Variants in DOCK2 observed in about 807,000 individuals in gnomAD.
The protein encoded by DOCK2 is dedicator of cytokinesis 2.
In DOCK2, 87 loss-of-function variants were observed where a neutral mutation model predicts 248.9. That is an observed-to-expected ratio of 0.35 (90% CI 0.29 to 0.42). The LOEUF is 0.42. DOCK2 is among the 10% of genes least tolerant of loss of function. DOCK2 has a pLI of 1.00. For synonymous variants in DOCK2, 805 were observed against 821.6 expected (o/e 0.98, Z 0.35); for missense variants, 1,747 against 2,300.2 (o/e 0.76, Z 4.92).
In DOCK2 at chr5:170,048,981, G is replaced by A. The variant is rs373319712; in HGVS notation, c.4072-1275G>A. Among the ~76,000 whole-genome samples the A allele has an allele frequency of 2.2e-4, 33 of 152,270 alleles. No homozygotes were observed. The East Asian group carries it at 5.8e-3, about 27-fold the overall frequency. On this transcript the variant is annotated intron_variant, in intron 40 of 51. Coordinates refer to ENST00000520908, the MANE Select transcript of DOCK2 (RefSeq NM_004946.3). Reference sequence around the variant, plus strand: ...AACAATCAATGTGGAAGTGAGAGTGGGCCTGCAGGAGTGATTGCCATGAGC... The same window carrying A: ...AACAATCAATGTGGAAGTGAGAGTGAGCCTGCAGGAGTGATTGCCATGAGC...
intron 26 of DOCK2, among the ~76,000 whole-genome samples, chr5:169,810,779 G>T (rs907690828): frequency 6.6e-6 from 1 of 152,098 alleles, no homozygotes; most frequent in Non-Finnish European, 1.5e-5. Flanking sequence ...ATCTTGGTTT[G>T]ATCTGGGCCT....
chr5:170,033,321 T>C (rs1460885304), intron 34 of DOCK2, among the ~76,000 whole-genome samples: 1 of 152,212 alleles, frequency 6.6e-6, no homozygotes, highest in Non-Finnish European at 1.5e-5. Context: ...AGATGTTACA[T>C]TTTTATTTTT....
intron 27 of DOCK2, among the ~76,000 whole-genome samples, chr5:169,907,834 G>C (rs879502360): frequency 9.9e-5 from 15 of 152,190 alleles, no homozygotes; most frequent in East Asian, 1.9e-4. Context: ...CTGGGAGGGG[G>C]TGCTACTGGC....
intron 27 of DOCK2, among the ~76,000 whole-genome samples, chr5:169,853,685 A>G (rs1403044028): frequency 1.3e-5 from 2 of 152,108 alleles, no homozygotes; most frequent in African/African-American, 4.8e-5. Context: ...AGAGCTCAGA[A>G]CATGTTCTAA....
At chr5:169,950,379 A>C (rs1239576899) in intron 27 of DOCK2, among the ~76,000 whole-genome samples, 2 of 152,220 alleles carry the variant, frequency 1.3e-5, no homozygotes, top group Non-Finnish European at 2.9e-5. Context: ...AGCACTCAAA[A>C]AACAGTAGTA....
At chr5:170,003,560 T>A (rs1442699499) in intron 30 of DOCK2, among the ~76,000 whole-genome samples, 1 of 152,188 alleles carries the variant, frequency 6.6e-6, no homozygotes, top group Non-Finnish European at 1.5e-5. Context: ...TGAACCCAGC[T>A]TGGATGTAAG....
chr5:169,887,717 AATT>A (rs1773051409), intron 27 of DOCK2, among the ~76,000 whole-genome samples: 1 of 152,220 alleles, frequency 6.6e-6, no homozygotes, highest in African/African-American at 2.4e-5. Flanking sequence ...GCTCTTGTCT[AATT>A]ATCTTCTTGA....
intron 25 of DOCK2, among the ~76,000 whole-genome samples, chr5:169,784,037 C>T (rs987232972): frequency 9.2e-5 from 14 of 152,140 alleles, no homozygotes; most frequent in African/African-American, 3.4e-4. Flanking sequence ...CAGTGTCTTG[C>T]CCACTGGCTT....
At chr5:170,028,728 C>T (rs1324206487) in intron 34 of DOCK2, among the ~76,000 whole-genome samples, 1 of 147,150 alleles carries the variant, frequency 6.8e-6, no homozygotes, top group Non-Finnish European at 1.5e-5. Context: ...ACCCCTTAGC[C>T]ACTGCTCTGC....
At chr5:169,988,163 T>C (rs1778117440) in intron 29 of DOCK2, among the ~76,000 whole-genome samples, 1 of 152,190 alleles carries the variant, frequency 6.6e-6, no homozygotes, top group Non-Finnish European at 1.5e-5. Flanking sequence ...TGCAGGCACA[T>C]AGCTTAGTTC....
At chr5:170,034,157 C>T (rs574724116) in intron 34 of DOCK2, among the ~76,000 whole-genome samples, 19 of 152,236 alleles carry the variant, frequency 1.2e-4, no homozygotes, top group South Asian at 8.3e-4. Flanking sequence ...TAAAAGTGAC[C>T]ATCTCCCCCA....
At position 170,076,327 on chromosome 5, in the gene DOCK2, T is replaced by TG. The variant is rs1757838413; in HGVS notation, c.4866+244dup. On this transcript the variant is annotated intron_variant, in intron 47 of 51. Coordinates refer to ENST00000520908, the MANE Select transcript of DOCK2 (RefSeq NM_004946.3). ...TGCAGATACCAACTACTCAAGGGAC[T>TG]GTGTAATAATAATGAAAGCTACACT... 2.6e-5 allele frequency among the ~76,000 whole-genome samples: 4 copies of TG among 152,302 alleles called. No homozygotes were observed. The South Asian group carries it at 8.3e-4, about 32-fold the overall frequency.
rs746938795 is a variant in DOCK2, at chr5:169,702,441, T to C, written c.1383+14T>C. The C allele has an allele frequency of 1.2e-6, 2 of 1,613,280 alleles. No homozygotes were observed. The highest frequency in any genetic ancestry group is 2.7e-5 in the African/African-American group (2 of 74,908). ...AAAACGCTGCCTGTAAGGGACTCAC[T>C]GCTGCTCTGGGTGACAGGGTCCGCC... On this transcript the variant is annotated intron_variant, in intron 14 of 51. Transcript: ENST00000520908.
chr5:169,686,538 AG>A (rs926858902), intron 8 of DOCK2, among the ~76,000 whole-genome samples: 6 of 152,214 alleles, frequency 3.9e-5, no homozygotes, highest in African/African-American at 1.4e-4. Context: ...GAGAAAGCAA[AG>A]GAAGAAGAGA....
At chr5:170,055,503 C>T in intron 42 of DOCK2, 117 bp downstream of exon 42, 1 of 904,072 alleles carries the variant, frequency 1.1e-6, no homozygotes, top group Non-Finnish European at 1.7e-6. Context: ...CTATCTTAGC[C>T]AGTTTTTCCC....
At chr5:169,804,483 T>TGC (rs1201108811) in intron 26 of DOCK2, among the ~76,000 whole-genome samples, 862 of 64,218 alleles carry the variant, frequency 0.013, 9 homozygotes, top group African/African-American at 0.027. Flanking sequence ...TGTGTGTGTG[T>TGC]GTGCGCGCGC....
chr5:169,762,317 C>T (rs573824912), intron 25 of DOCK2, among the ~76,000 whole-genome samples: 1 of 152,226 alleles, frequency 6.6e-6, no homozygotes, highest in South Asian at 2.1e-4. Flanking sequence ...CAAATGGTAG[C>T]ATGCTATGTA....
Position 169,681,682 on chromosome 5 carries a change from T to G in DOCK2, c.471-62T>G. 6 of 1,583,698 alleles carry G rather than the reference T, an allele frequency of 3.8e-6. No individual in the cohort carries two copies. In the South Asian group the frequency reaches 7.0e-5, roughly 18 times the overall value. On this transcript the variant is annotated intron_variant, in intron 6 of 51. Coordinates refer to ENST00000520908, the MANE Select transcript of DOCK2 (RefSeq NM_004946.3). ...TCAGCTGAACTTTCTGGTAAAAAGC[T>G]TCTCACCAGTGACCTAAAGTTCTCC...
chr5:169,851,627 T>TA (rs1770620525), intron 27 of DOCK2, among the ~76,000 whole-genome samples: 1 of 152,220 alleles, frequency 6.6e-6, no homozygotes, highest in African/African-American at 2.4e-5. Context: ...TTCACACTGC[T>TA]ATAAAGAACT....
Sources: allele counts gnomAD v4.1 joint callset (sites outside exome capture counted in the v4.1 genomes callset), GRCh38; gene constraint gnomAD v4.1.1; transcripts MANE v1.5; gene names NCBI Gene and HGNC (gene_info 2026-07-23, HGNC 2026-07-21).